POLR1D: variants seen among roughly 807,000 people sequenced by gnomAD.
The protein encoded by POLR1D is RNA polymerase I and III subunit D, also known as DNA-directed RNA polymerases I and III subunit RPAC2.
Under a neutral mutation model 10.8 loss-of-function variants are expected in POLR1D, and 8 were observed. That is an observed-to-expected ratio of 0.74 (90% CI 0.43 to 1.33). POLR1D has a LOEUF of 1.33. Ranked by LOEUF, POLR1D falls within the 40% of genes most tolerant of loss-of-function variation. POLR1D has a pLI of 0.01. For synonymous variants in POLR1D, 54 were observed against 57.2 expected, an observed-to-expected ratio of 0.94 and a Z score of 0.25; for missense variants, 152 against 161.7, an observed-to-expected ratio of 0.94 and a Z score of 0.32.
downstream of POLR1D, among the ~76,000 whole-genome samples, chr13:27,627,040 A>C (rs1956017818): frequency 6.6e-6 from 1 of 152,154 alleles, no homozygotes; most frequent in Non-Finnish European, 1.5e-5. Context: ...CACGTTATTC[A>C]GATTTTAGAT....
At chr13:27,624,322 A>G (rs575707761), downstream of POLR1D, among the ~76,000 whole-genome samples, 11 of 152,308 alleles carry the variant, frequency 7.2e-5, no homozygotes, top group South Asian at 2.1e-4. Flanking sequence ...GGAGGTCAAC[A>G]TGATTCTGGT....
chr13:27,646,161 T>G (rs1022701286), intron 1 of POLR1D: 4 of 152,268 alleles, frequency 2.6e-5, no homozygotes, highest in African/African-American at 4.8e-5. Context: ...AAAAGTTGTT[T>G]TCCTGATTAT....
intron 1 of POLR1D, among the ~76,000 whole-genome samples, chr13:27,633,474 T>G (rs1956093866): frequency 6.6e-6 from 1 of 152,248 alleles, no homozygotes; most frequent in East Asian, 1.9e-4. Flanking sequence ...TATTTTGCCC[T>G]TACTTTGTGA....
intron 1 of POLR1D, among the ~76,000 whole-genome samples, chr13:27,628,906 C>T (rs1956045564): frequency 6.6e-6 from 1 of 152,218 alleles, no homozygotes; most frequent in Admixed American, 6.5e-5. Flanking sequence ...GCCTTGACCT[C>T]CCAGGCTCAA....
intron 1 of POLR1D, among the ~76,000 whole-genome samples, chr13:27,635,924 A>G (rs1956121490): frequency 6.6e-6 from 1 of 151,958 alleles, no homozygotes; most frequent in Non-Finnish European, 1.5e-5. Context: ...AGGTTACTTG[A>G]TGGTGTCCTA....
At chr13:27,624,801 T>G (rs1396782175), downstream of POLR1D, among the ~76,000 whole-genome samples, 1 of 152,098 alleles carries the variant, frequency 6.6e-6, no homozygotes, top group African/African-American at 2.4e-5. Context: ...GGCGAGAGGA[T>G]ATCTTGAACC....
chr13:27,623,450 C>A, downstream of POLR1D: 1 of 1,205,506 alleles, frequency 8.3e-7, no homozygotes, highest in Non-Finnish European at 1.1e-6. Flanking sequence ...TTTATTTAAA[C>A]TAGTTTGACT....
chr13:27,621,140 G>A (rs1205540555), upstream of POLR1D: 1 of 153,074 alleles, frequency 6.5e-6, no homozygotes, highest in African/African-American at 2.4e-5. Context: ...TGGGAACAAA[G>A]GTGAGGGCGG....
chr13:27,623,072 C>T lies in POLR1D; in HGVS notation c.224C>T (p.Pro75Leu). 1.2e-6 allele frequency: 2 copies of T among 1,614,082 alleles called. No individual in the cohort carries two copies. Among genetic ancestry groups the T allele is most frequent in the Non-Finnish European group, 1.7e-6 (2 of 1,179,976 alleles). The change falls in exon 2 of 2, where the codon CCT becomes CTT. Residue 75 changes from proline to leucine, a missense_variant. Coordinates refer to ENST00000302979, the MANE Select transcript of POLR1D (RefSeq NM_015972.4). ...VEFCGYTTTH[P>L]SESKINLRIQ... ...TTTTGTGGTTACACTACGACCCATC[C>T]TTCAGAGAGCAAAATTAATTTACGC... is the stretch of plus-strand genomic sequence containing the variant.
downstream of POLR1D, chr13:27,623,455 TTGAC>T: frequency 8.6e-7 from 1 of 1,166,550 alleles, no homozygotes; most frequent in Middle Eastern, 3.2e-4. Flanking sequence ...TTAAACTAGT[TTGAC>T]TGGTTTCTGT....
intron 1 of POLR1D, among the ~76,000 whole-genome samples, chr13:27,631,792 A>G (rs914687948): frequency 6.6e-6 from 1 of 152,354 alleles, no homozygotes. Flanking sequence ...GTCAATGAAT[A>G]ATGTGCATGA....
At chr13:27,645,206 C>T (rs1217681326) in intron 1 of POLR1D, among the ~76,000 whole-genome samples, 10 of 152,210 alleles carry the variant, frequency 6.6e-5, no homozygotes. Flanking sequence ...CAGTATCAGC[C>T]TATCCCCCAG....
chr13:27,659,023 G>A (rs1473140124), intron 2 of POLR1D, among the ~76,000 whole-genome samples: 1 of 152,162 alleles, frequency 6.6e-6, no homozygotes, highest in Non-Finnish European at 1.5e-5. Context: ...GTTTTAAGGG[G>A]AATGACTTTT....
intron 2 of POLR1D, among the ~76,000 whole-genome samples, chr13:27,654,449 C>A (rs1956292037): frequency 6.6e-6 from 1 of 152,148 alleles, no homozygotes; most frequent in Non-Finnish European, 1.5e-5. Context: ...TTTTAAGTGT[C>A]AAGGGAACCT....
intron 1 of POLR1D, among the ~76,000 whole-genome samples, chr13:27,647,093 C>CTTTTTCTTAACTTTAT (rs1172449518): frequency 6.6e-6 from 1 of 152,054 alleles, no homozygotes; most frequent in African/African-American, 2.4e-5. Context: ...TTATACCTCT[C>CTTTTTCTTAACTTTAT]TTTTTCTTAA....
intron 1 of POLR1D, among the ~76,000 whole-genome samples, chr13:27,637,778 T>C (rs542796141): frequency 6.6e-6 from 1 of 151,962 alleles, no homozygotes; most frequent in South Asian, 2.1e-4. Flanking sequence ...AATTTACTGA[T>C]GGGTTTTAAT....
intron 2 of POLR1D, among the ~76,000 whole-genome samples, chr13:27,649,541 A>C (rs116693768): frequency 0.011 from 1,647 of 152,324 alleles, 29 homozygotes; most frequent in African/African-American, 0.038. Context: ...GGATAAAACA[A>C]GCAATACTTT....
chr13:27,650,392 A>G (rs1956256160), intron 2 of POLR1D: 1 of 233,830 alleles, frequency 4.3e-6, no homozygotes, highest in African/African-American at 2.2e-5. Context: ...GGATGGATGG[A>G]TGGATGGATT....
Position 27,643,188 on chromosome 13 carries a change from A to G in POLR1D, c.27-5191A>G, listed in dbSNP as rs181572006. On this transcript the variant is annotated intron_variant, in intron 1 of 2. Transcript: ENST00000399697. ...GAGCCTAATTCACCGTATAAATCAC[A>G]GTACCTTGTATTTAGCAAGTGCGTA... Among the ~76,000 whole-genome samples the G allele has an allele frequency of 7.1e-4, 108 of 152,328 alleles. 4 individuals carry two copies. In the East Asian group the frequency reaches 0.016, roughly 22 times the overall value.
Sources: allele counts gnomAD v4.1 joint callset (sites outside exome capture counted in the v4.1 genomes callset), GRCh38; gene constraint gnomAD v4.1.1; transcripts MANE v1.5; gene names NCBI Gene and HGNC (gene_info 2026-07-23, HGNC 2026-07-21).